The following ARHGAP27 variants were observed in gnomAD, a reference collection of about 807,000 sequenced individuals.
ARHGAP27 encodes Rho GTPase activating protein 27.
A neutral mutation model predicts 102.0 loss-of-function variants in ARHGAP27; 53 were observed. The observed-to-expected ratio is 0.52, with a 90% confidence interval of 0.42 to 0.65. The LOEUF is 0.65. Among genes scored for constraint, ARHGAP27 ranks in the 30% least tolerant of loss-of-function variants. The probability of loss-of-function intolerance (pLI) is 0.00; values close to 1 mark genes in which losing one functional copy is unlikely to be tolerated. For synonymous variants in ARHGAP27, 525 were observed against 542.8 expected (o/e 0.97, Z 0.46); for missense variants, 1,117 against 1,256.2 (o/e 0.89, Z 1.68).
chr17:45,396,636 C>G (rs1321394246), intron 15 of ARHGAP27, 32 bp downstream of exon 15: 1 of 1,612,388 alleles, frequency 6.2e-7, no homozygotes, highest in Non-Finnish European at 8.5e-7. Context: ...CGTCCCGGTC[C>G]CGGGTCCCCG....
chr17:45,424,493 G>C (rs1293827731), intron 4 of ARHGAP27, among the ~76,000 whole-genome samples: 1 of 152,264 alleles, frequency 6.6e-6, no homozygotes, highest in African/African-American at 2.4e-5. Context: ...CCATTCCCCA[G>C]GGCCTGGCAC....
At chr17:45,399,785 C>T (rs1010132040) in intron 12 of ARHGAP27, among the ~76,000 whole-genome samples, 3 of 152,190 alleles carry the variant, frequency 2.0e-5, no homozygotes, top group African/African-American at 7.2e-5. Context: ...TGATTTTTGG[C>T]AGCTCTCTCA....
At chr17:45,421,860 CTTGGGTTTAAAAATA>C (rs1166017010) in intron 4 of ARHGAP27, among the ~76,000 whole-genome samples, 2 of 152,132 alleles carry the variant, frequency 1.3e-5, no homozygotes, top group Non-Finnish European at 2.9e-5. Context: ...AAAGAGTCAG[CTTGGGTTTAAAAATA>C]CAGTGATAGG....
In ARHGAP27 at chr17:45,430,538, C is replaced by T. The variant is rs1178891921; in HGVS notation, c.-18-241G>A. Among the ~76,000 whole-genome samples the T allele has an allele frequency of 2.0e-5, 3 of 152,208 alleles. No homozygotes were observed. Among genetic ancestry groups the T allele is most frequent in the Non-Finnish European group, 4.4e-5 (3 of 68,038 alleles). On this transcript the variant is annotated intron_variant, in intron 3 of 19. Transcript: ENST00000685559. The surrounding 1 kb of genome is among the most constrained non-coding windows in gnomAD (Gnocchi z 4.4). ...CTGTGGGGTTGATTCTAAGATTTGA[C>T]CCTTGCTTCAGTCCTGCGGTGGGGA...
At position 45,396,668 on chromosome 17, in the gene ARHGAP27, C is replaced by A; in HGVS notation, c.2074G>T (p.Asp692Tyr). 1 of 1,613,716 alleles carries A rather than the reference C, an allele frequency of 6.2e-7. No homozygotes were observed. The highest frequency in any genetic ancestry group is 1.1e-5 in the South Asian group (1 of 91,084). The change falls in exon 15 of 20, where the codon GAC becomes TAC. Residue 692 changes from aspartate (D) to tyrosine (Y), a missense_variant and splice_region_variant. Physicochemically the swap from Asp to Tyr is radical, Grantham distance 160. Around this residue, in one of 3 missense-constraint regions of ARHGAP27, gnomAD observed 493 missense variants for 505.5 expected, o/e 0.98. Coordinates refer to ENST00000685559, the MANE Select transcript of ARHGAP27 (RefSeq NM_001282290.2). ...CCCGCCCCCCGCAGGCCTCGGGTAC[C>A]TTTGATGTAGCCCTTCTCCCGCAGC... ...QSLREKGYIK[D>Y]QVFGCALAAL...
chr17:45,404,145 G>A, intron 9 of ARHGAP27, 49 bp from the exon 10 acceptor site: 1 of 1,610,658 alleles, frequency 6.2e-7, no homozygotes, highest in Non-Finnish European at 8.5e-7. Context: ...GTTAAGGGGT[G>A]AGCTATGGGG....
At chr17:45,411,031 A>C (rs1257126820) in intron 4 of ARHGAP27, among the ~76,000 whole-genome samples, 1 of 152,000 alleles carries the variant, frequency 6.6e-6, no homozygotes, top group African/African-American at 2.4e-5. Context: ...GCATGCCCAC[A>C]TGTGCCCACT....
chr17:45,419,606 G>C (rs1424812650), intron 4 of ARHGAP27, among the ~76,000 whole-genome samples: 1 of 146,890 alleles, frequency 6.8e-6, no homozygotes, highest in African/African-American at 2.5e-5. Context: ...ATAAATGAGT[G>C]ATACATTGGA....
At chr17:45,407,033 C>A (rs190291845) in intron 4 of ARHGAP27, among the ~76,000 whole-genome samples, 1 of 152,240 alleles carries the variant, frequency 6.6e-6, no homozygotes, top group Admixed American at 6.5e-5. Flanking sequence ...CCTAGCCATG[C>A]GTAAGCCTCC....
At chr17:45,418,962 C>T (rs1178611278) in intron 4 of ARHGAP27, among the ~76,000 whole-genome samples, 1 of 152,170 alleles carries the variant, frequency 6.6e-6, no homozygotes, top group African/African-American at 2.4e-5. Context: ...TGGCAGAGAC[C>T]ACCATCTCTT....
Position 45,430,196 on chromosome 17 carries a change from G to A in ARHGAP27, c.84C>T (p.Ala28=). The change falls in exon 4 of 20, where the codon GCC becomes GCT. Residue 28 remains alanine, a synonymous_variant. Transcript: ENST00000685559. The surrounding 1 kb of genome is among the most constrained non-coding windows in gnomAD (Gnocchi z 4.4). ...EYTGKDGRRV[A]IRPNERYRLL... is the part of the protein sequence containing the mutation. ...GCCGGTAGCGCTCATTCGGCCGGAT[G>A]GCCACGCGGCGCCCGTCCTTGCCGG... The A allele has an allele frequency of 6.4e-7, 1 of 1,550,712 alleles. No homozygotes were observed. The highest frequency in any genetic ancestry group is 8.7e-7 in the Non-Finnish European group (1 of 1,155,858).
chr17:45,431,783 G>C (rs2050072854), intron 2 of ARHGAP27, 31 bp from the exon 3 acceptor site: 1 of 174,778 alleles, frequency 5.7e-6, no homozygotes, highest in Admixed American at 6.4e-5. Context: ...GGACAGGGAC[G>C]CTCAGGAGTG....
chr17:45,404,280 C>G lies in ARHGAP27; in HGVS notation c.1468G>C (p.Ala490Pro), dbSNP rs752975185. 1.2e-6 allele frequency: 2 copies of G among 1,613,924 alleles called. No homozygotes were observed. The highest frequency in any genetic ancestry group is 2.7e-5 in the African/African-American group (2 of 74,912). Reference protein sequence around the residue: ...GSWEEVSPATAAVRTKTLDKA... With the variant: ...GSWEEVSPATPAVRTKTLDKA... ...GGGGTGATGCCTACCCTCACAGCAG[C>G]TGTGGCAGGAGAGACTTCCTCCCAG... The change falls in exon 9 of 20, where the codon GCT (alanine) becomes CCT (proline). Residue 490 changes from alanine (A) to proline (P), a missense_variant. Physicochemically the swap from Ala to Pro is conservative, Grantham distance 27. This residue lies in a region of ARHGAP27 where 610 missense variants were observed against 716.4 expected (regional missense o/e 0.85). Coordinates refer to ENST00000685559, the MANE Select transcript of ARHGAP27 (RefSeq NM_001282290.2).
At position 45,430,430 on chromosome 17, in the gene ARHGAP27, TC is replaced by T; in HGVS notation, c.-18-134del. 7.5e-7 allele frequency: 1 copy of T among 1,328,418 alleles called. No homozygotes were observed. Among genetic ancestry groups the T allele is most frequent in the Non-Finnish European group, 1.0e-6 (1 of 1,002,328 alleles). The allele number at this position is 1,328,418 out of a possible 1,614,324, so 82.3% of individuals were successfully genotyped here. A position where few individuals can be genotyped will look rare whatever the true frequency, so the allele number is the denominator to read the frequency against. On this transcript the variant is annotated intron_variant, in intron 3 of 19. Transcript: ENST00000685559. The surrounding 1 kb of genome is among the most constrained non-coding windows in gnomAD (Gnocchi z 4.4). ...TCGCCTTCGGGCCTCAGTTTTCCCA[TC>T]TCTAAAATGGGAACTTGCATAAAAT...
At chr17:45,396,877 G>GC in intron 14 of ARHGAP27, 39 bp downstream of exon 14, 1 of 1,605,862 alleles carries the variant, frequency 6.2e-7, no homozygotes, top group Non-Finnish European at 8.5e-7. Context: ...CCCAGGAGAG[G>GC]CCTCCTGGAG....
At chr17:45,411,792 G>GACTC (rs1271080763) in intron 4 of ARHGAP27, among the ~76,000 whole-genome samples, 1 of 136,180 alleles carries the variant, frequency 7.3e-6, no homozygotes, top group South Asian at 2.2e-4. Context: ...CAGGGATGAG[G>GACTC]ACTCACACAC....
chr17:45,430,129 C>G lies in ARHGAP27; in HGVS notation c.151G>C (p.Glu51Gln). 6.6e-7 allele frequency: 1 copy of G among 1,526,632 alleles called. No individual in the cohort carries two copies. Among genetic ancestry groups the G allele is most frequent in the Non-Finnish European group, 8.7e-7 (1 of 1,143,434 alleles). 94.6% of individuals were successfully genotyped at this position (1,526,632 alleles called of 1,614,324 possible). The change falls in exon 4 of 20, where the codon GAG (glutamate) becomes CAG (glutamine). Residue 51 changes from glutamate (E) to glutamine (Q), a missense_variant. This residue lies in a region of ARHGAP27 where 610 missense variants were observed against 716.4 expected (regional missense o/e 0.85). Transcript: ENST00000685559. The surrounding 1 kb of genome is among the most constrained non-coding windows in gnomAD (Gnocchi z 4.4). Reference sequence around the variant, plus strand: ...AGGTAGAAGGGGCGGCCGCCGGGCTCACGCCGCACGTGCCACCAGTGCTCG... The same window carrying G: ...AGGTAGAAGGGGCGGCCGCCGGGCTGACGCCGCACGTGCCACCAGTGCTCG... The part of the protein sequence containing the change: ...STEHWWHVRR[E>Q]PGGRPFYLPA...
In ARHGAP27 at chr17:45,427,031, C is replaced by T. The variant is rs553956667; in HGVS notation, c.657+2592G>A. On this transcript the variant is annotated intron_variant, in intron 4 of 19. Transcript: ENST00000685559. The surrounding 1 kb of genome is among the most constrained non-coding windows in gnomAD (Gnocchi z 4.5). ...CACTCTGCTCCTCCCCAAGTCATCCCCCCGTCAGGAAGCAGCACCACTGTC... is the reference window on the plus strand; with the variant it reads ...CACTCTGCTCCTCCCCAAGTCATCCTCCCGTCAGGAAGCAGCACCACTGTC... Among the ~76,000 whole-genome samples, 2 of 152,276 alleles carry T rather than the reference C, an allele frequency of 1.3e-5. No homozygotes were observed. Among genetic ancestry groups the T allele is most frequent in the South Asian group, 4.2e-4 (2 of 4,814 alleles).
At chr17:45,424,534 T>C (rs2049357370) in intron 4 of ARHGAP27, among the ~76,000 whole-genome samples, 1 of 152,168 alleles carries the variant, frequency 6.6e-6, no homozygotes, top group Non-Finnish European at 1.5e-5. Flanking sequence ...CATTCAGTAC[T>C]GATGCCCACC....
Sources: gnomAD v4.1 joint callset for allele counts (sites outside exome capture counted in the v4.1 genomes callset) on GRCh38, gnomAD v4.1.1 for gene constraint, gnomAD v4.1.1 regional missense constraint, Gnocchi (gnomAD v3.1) non-coding constraint, MANE v1.5 for transcripts, NCBI Gene and HGNC (gene_info 2026-07-23, HGNC 2026-07-21) for gene names.